TAB2: variants seen among roughly 807,000 people sequenced by gnomAD.
The protein encoded by TAB2 is TGF-beta activated kinase 1 (MAP3K7) binding protein 2.
TAB2 carries 3 observed loss-of-function variants against 65.0 expected under a neutral mutation model. The ratio of observed to expected loss-of-function variants is 0.05; its 90% CI spans 0.02 to 0.12. The LOEUF (loss-of-function observed/expected upper bound fraction) is 0.12. TAB2 is among the 10% of genes least tolerant of loss of function. The pLI is 1.00. For synonymous variants in TAB2, 298 were observed against 285.1 expected (o/e 1.05, Z -0.46); for missense variants, 623 against 840.3 (o/e 0.74, Z 3.20).
chr6:149,410,134 A>C lies in TAB2; in HGVS notation c.*415A>C, dbSNP rs1782799030. 4.5e-6 allele frequency: 1 copy of C among 223,950 alleles called. No homozygotes were observed. The highest frequency in any genetic ancestry group is 9.0e-6 in the Non-Finnish European group (1 of 111,552). 13.9% of individuals were successfully genotyped at this position (223,950 alleles called of 1,614,324 possible). A position where few individuals can be genotyped will look rare whatever the true frequency, so the allele number is the denominator to read the frequency against. ...TCAGTGAAACACTACATACACGAAGAAAAGGAACAAGGTTTAACTATTTAA... is the reference window on the plus strand; with the variant it reads ...TCAGTGAAACACTACATACACGAAGCAAAGGAACAAGGTTTAACTATTTAA... On this transcript the variant is annotated 3_prime_UTR_variant, in exon 7 of 7. Coordinates refer to ENST00000637181, the MANE Select transcript of TAB2 (RefSeq NM_001292034.3).
intron 1 of TAB2, among the ~76,000 whole-genome samples, chr6:149,328,980 A>C (rs1161136421): frequency 6.6e-6 from 1 of 152,166 alleles, no homozygotes; most frequent in Non-Finnish European, 1.5e-5. Flanking sequence ...CCATGCATGA[A>C]AGATGGAGGT....
intron 1 of TAB2, among the ~76,000 whole-genome samples, chr6:149,296,081 C>T (rs756227915): frequency 3.3e-5 from 5 of 152,208 alleles, no homozygotes; most frequent in Admixed American, 2.6e-4. Context: ...GCCTGGTTAT[C>T]TTTGATGCAT....
chr6:149,384,618 C>T (rs1207280864), intron 3 of TAB2, among the ~76,000 whole-genome samples: 1 of 152,180 alleles, frequency 6.6e-6, no homozygotes, highest in Non-Finnish European at 1.5e-5. Context: ...GTGAAATTTT[C>T]TTACTGGTAG....
chr6:149,358,925 A>G (rs1213546473), intron 1 of TAB2, among the ~76,000 whole-genome samples: 2 of 150,956 alleles, frequency 1.3e-5, no homozygotes, highest in Admixed American at 6.6e-5. Flanking sequence ...TGTTTAACCT[A>G]TTCATTGATT....
chr6:149,403,291 CACACATATAT>C (rs1480719988), intron 6 of TAB2, among the ~76,000 whole-genome samples: 1 of 83,532 alleles, frequency 1.2e-5, no homozygotes, highest in African/African-American at 5.7e-5. Context: ...TATACACACA[CACACATATAT>C]ATATATATAT....
chr6:149,394,020 G>T (rs1782085017), intron 3 of TAB2, among the ~76,000 whole-genome samples: 1 of 151,906 alleles, frequency 6.6e-6, no homozygotes, highest in Non-Finnish European at 1.5e-5. Flanking sequence ...AAAATTTTTG[G>T]TCTTTATCAC....
At chr6:149,272,629 A>C (rs1430614221) in intron 1 of TAB2, among the ~76,000 whole-genome samples, 2 of 152,208 alleles carry the variant, frequency 1.3e-5, no homozygotes, top group Non-Finnish European at 2.9e-5. Flanking sequence ...ATCATCCAGG[A>C]TAATCTTCTC....
At position 149,256,373 on chromosome 6, in the gene TAB2, A is replaced by T. The variant is rs188267820; in HGVS notation, c.-121+37597A>T. 4.7e-3 allele frequency among the ~76,000 whole-genome samples: 715 copies of T among 152,310 alleles called. 6 individuals are homozygous for T. Among genetic ancestry groups the T allele is most frequent in the Non-Finnish European group, 6.5e-3 (445 of 68,026 alleles). On this transcript the variant is annotated intron_variant, in intron 1 of 1. Coordinates refer to the TAB2 transcript ENST00000606202. ...TATTTATAAACTATATAAATTCAGA[A>T]TTATAAACTATATTAATTTTGCTTC... is the stretch of plus-strand genomic sequence containing the variant.
intron 6 of TAB2, among the ~76,000 whole-genome samples, chr6:149,408,485 T>C (rs977180203): frequency 2.0e-5 from 3 of 152,210 alleles, no homozygotes; most frequent in Non-Finnish European, 4.4e-5. Context: ...ATTTGACTTC[T>C]GTATTTTTAT....
At position 149,380,865 on chromosome 6, in the gene TAB2, A is replaced by G. The variant is rs948883805; in HGVS notation, c.1603+1347A>G. Among the ~76,000 whole-genome samples the G allele has an allele frequency of 3.9e-5, 6 of 152,130 alleles. No individual in the cohort carries two copies. In the South Asian group the frequency reaches 8.3e-4, roughly 21 times the overall value. ...TAGGGGGTCCTAATTGCTTTGCCTTATTTTATGTTTTAAACAGCTACACTA... is the reference window on the plus strand; with the variant it reads ...TAGGGGGTCCTAATTGCTTTGCCTTGTTTTATGTTTTAAACAGCTACACTA... On this transcript the variant is annotated intron_variant, in intron 3 of 6. Coordinates refer to ENST00000637181, the MANE Select transcript of TAB2 (RefSeq NM_001292034.3).
At chr6:149,274,919 C>T (rs763452151) in intron 1 of TAB2, among the ~76,000 whole-genome samples, 2 of 152,116 alleles carry the variant, frequency 1.3e-5, no homozygotes, top group Non-Finnish European at 2.9e-5. Context: ...AGCTCCAGTG[C>T]CTTGGGGCTC....
chr6:149,281,690 C>T (rs184454788), intron 1 of TAB2, among the ~76,000 whole-genome samples: 8 of 151,224 alleles, frequency 5.3e-5, no homozygotes, highest in South Asian at 2.1e-4. Flanking sequence ...CTAACCTTAT[C>T]GGTAATCATA....
intron 1 of TAB2, among the ~76,000 whole-genome samples, chr6:149,295,290 T>C (rs1052340777): frequency 3.3e-5 from 5 of 152,222 alleles, no homozygotes; most frequent in African/African-American, 1.2e-4. Flanking sequence ...TCTTTTGTCA[T>C]TGGTTTTCTA....
intron 1 of TAB2, among the ~76,000 whole-genome samples, chr6:149,327,639 G>A (rs139177778): frequency 3.9e-4 from 60 of 152,288 alleles, no homozygotes; most frequent in African/African-American, 1.4e-3. Flanking sequence ...TCAAATAAAA[G>A]TTGCTAGAAA....
At chr6:149,318,320 C>T (rs566300024) in intron 1 of TAB2, among the ~76,000 whole-genome samples, 2 of 151,910 alleles carry the variant, frequency 1.3e-5, no homozygotes, top group Non-Finnish European at 2.9e-5. Context: ...TAGGAGAGCC[C>T]CGGGTGGGGG....
chr6:149,333,741 G>A (rs908082343), intron 1 of TAB2, among the ~76,000 whole-genome samples: 1 of 150,898 alleles, frequency 6.6e-6, no homozygotes, highest in Non-Finnish European at 1.5e-5. Context: ...GTGTGTGTGT[G>A]TGTGTCTATG....
In TAB2 at chr6:149,408,993, C is replaced by T. The variant is rs237011; in HGVS notation, c.1940-584C>T. Among the ~76,000 whole-genome samples, 628 of 152,258 alleles carry T rather than the reference C, an allele frequency of 4.1e-3. 2 individuals are homozygous for T. Among genetic ancestry groups the T allele is most frequent in the Non-Finnish European group, 6.1e-3 (412 of 68,010 alleles). ...TAGTGTTCTTTCTACTTTACCATAC[C>T]AAATGTGGTTTTTAAAAATAAAGTA... On this transcript the variant is annotated intron_variant, in intron 6 of 6. Transcript: ENST00000637181.
chr6:149,402,972 C>T (rs1442087869), intron 6 of TAB2, among the ~76,000 whole-genome samples: 3 of 152,046 alleles, frequency 2.0e-5, no homozygotes, highest in African/African-American at 7.2e-5. Context: ...CACTGGCTCA[C>T]ACCTGTAATC....
intron 3 of TAB2, among the ~76,000 whole-genome samples, chr6:149,394,254 A>G (rs1782092951): frequency 6.6e-6 from 1 of 151,924 alleles, no homozygotes; most frequent in South Asian, 2.1e-4. Flanking sequence ...ATTTCTAGCC[A>G]TATTTTTTAT....
Sources: gnomAD v4.1 joint callset for allele counts (sites outside exome capture counted in the v4.1 genomes callset) on GRCh38, gnomAD v4.1.1 for gene constraint, MANE v1.5 for transcripts, NCBI Gene and HGNC (gene_info 2026-07-23, HGNC 2026-07-21) for gene names.